The following KIRREL3 variants were observed in gnomAD, a reference collection of about 807,000 sequenced individuals.
KIRREL3 encodes kin of IRRE-like protein 3.
KIRREL3 carries 36 observed loss-of-function variants against 89.7 expected under a neutral mutation model. The ratio of observed to expected loss-of-function variants is 0.40; its 90% confidence interval spans 0.31 to 0.53. The LOEUF (loss-of-function observed/expected upper bound fraction) is 0.53. Ranked by LOEUF, KIRREL3 falls within the 20% of genes least tolerant of loss-of-function variation. KIRREL3 has a pLI of 0.49. For missense variants in KIRREL3, 864 were observed against 1,056.6 expected, an observed-to-expected ratio of 0.82 and a Z score of 2.53; for synonymous variants, 445 against 441.4, an observed-to-expected ratio of 1.01 and a Z score of -0.10.
At chr11:126,979,754 G>C (rs573954187) in intron 1 of KIRREL3, among the ~76,000 whole-genome samples, 1 of 152,332 alleles carries the variant, frequency 6.6e-6, no homozygotes, top group African/African-American at 2.4e-5. Context: ...GAGAGGACCT[G>C]GCCTTTGTAG....
chr11:126,578,110 A>T lies in KIRREL3; in HGVS notation c.56-15198T>A, dbSNP rs996645673. Among the ~76,000 whole-genome samples, 1 of 152,204 alleles carries T rather than the reference A, an allele frequency of 6.6e-6. No individual in the cohort carries two copies. Among genetic ancestry groups the T allele is most frequent in the Middle Eastern group, 3.2e-3 (1 of 316 alleles). ...TACAGCCTTGCAACTTTGCCTCATTAGTCCCAAATTTGCACTGTGAGGCAA... is the reference window on the plus strand; with the variant it reads ...TACAGCCTTGCAACTTTGCCTCATTTGTCCCAAATTTGCACTGTGAGGCAA... On this transcript the variant is annotated intron_variant, in intron 1 of 16. Coordinates refer to ENST00000525144, the MANE Select transcript of KIRREL3 (RefSeq NM_032531.4). The surrounding 1 kb of genome is among the most constrained non-coding windows in gnomAD (Gnocchi z 4.9).
At chr11:126,488,629 G>T (rs1957428130) in intron 4 of KIRREL3, among the ~76,000 whole-genome samples, 1 of 152,212 alleles carries the variant, frequency 6.6e-6, no homozygotes, top group Non-Finnish European at 1.5e-5. Flanking sequence ...AGGAGCCGCG[G>T]CTTCCAGTGA....
intron 1 of KIRREL3, among the ~76,000 whole-genome samples, chr11:126,717,443 A>G (rs1321081270): frequency 3.3e-5 from 5 of 152,218 alleles, no homozygotes; most frequent in Non-Finnish European, 7.3e-5. Context: ...GCTGTTGGCT[A>G]TGCCTTACCC....
chr11:126,749,110 T>C (rs2134239951), intron 1 of KIRREL3, among the ~76,000 whole-genome samples: 1 of 152,314 alleles, frequency 6.6e-6, no homozygotes, highest in South Asian at 2.1e-4. Flanking sequence ...ATGAACTTTT[T>C]GCTATTGTGC....
At chr11:126,741,632 A>G (rs767435951) in intron 1 of KIRREL3, among the ~76,000 whole-genome samples, 3 of 152,022 alleles carry the variant, frequency 2.0e-5, no homozygotes, top group Non-Finnish European at 4.4e-5. Context: ...ATAGGGGAAT[A>G]TAAGTTGAAA....
chr11:126,936,062 T>A (rs746106020), intron 1 of KIRREL3: 7 of 152,100 alleles, frequency 4.6e-5, no homozygotes, highest in Non-Finnish European at 8.8e-5. Context: ...TAAATCTACA[T>A]TTTCAAAAAT....
intron 1 of KIRREL3, among the ~76,000 whole-genome samples, chr11:126,825,780 G>C (rs538930637): frequency 2.0e-5 from 3 of 152,160 alleles, no homozygotes; most frequent in Non-Finnish European, 2.9e-5. Flanking sequence ...AGTGAGGTAG[G>C]TACTTCCACT....
At chr11:126,951,384 T>A (rs1193246923) in intron 1 of KIRREL3, among the ~76,000 whole-genome samples, 1 of 152,188 alleles carries the variant, frequency 6.6e-6, no homozygotes, top group Non-Finnish European at 1.5e-5. Flanking sequence ...GTAGAAACCA[T>A]GTCTTACATT....
chr11:126,988,576 G>A (rs1364380271), intron 1 of KIRREL3: 1 of 152,704 alleles, frequency 6.5e-6, no homozygotes, highest in Admixed American at 6.5e-5. Context: ...AGGCCTGGAG[G>A]TGGCTCCTGA....
rs551126800 is a variant in KIRREL3 at position 126,515,225 on chromosome 11, A to G, written c.433+6090T>C. On this transcript the variant is annotated intron_variant, in intron 4 of 16. Coordinates refer to ENST00000525144, the MANE Select transcript of KIRREL3 (RefSeq NM_032531.4). This position sits in a 1 kb window ranked among gnomAD's most constrained non-coding sequence, Gnocchi z 4.2. ...TCCCTTGAGCCCAGAAGTTCAAGAC[A>G]AGCATTAGCAACATGGCAAAACCCG... is the stretch of plus-strand genomic sequence containing the variant. Among the ~76,000 whole-genome samples, 1 of 152,282 alleles carries G rather than the reference A, an allele frequency of 6.6e-6. No individual in the cohort carries two copies. Among genetic ancestry groups the G allele is most frequent in the Admixed American group, 6.5e-5 (1 of 15,286 alleles).
At position 126,605,451 on chromosome 11, in the gene KIRREL3, G is replaced by A. The variant is rs73627283; in HGVS notation, c.56-42539C>T. ...TGCGGTGACTGCTGTGAAGTGGTGT[G>A]GGGGCTCAGGATGGGACCTACTTCA... On this transcript the variant is annotated intron_variant, in intron 1 of 16. Coordinates refer to ENST00000525144, the MANE Select transcript of KIRREL3 (RefSeq NM_032531.4). This position sits in a 1 kb window ranked among gnomAD's most constrained non-coding sequence, Gnocchi z 5.7. 8.6e-3 allele frequency among the ~76,000 whole-genome samples: 1,308 copies of A among 152,228 alleles called. 22 individuals are homozygous for A. The highest frequency in any genetic ancestry group is 0.029 in the African/African-American group (1,203 of 41,530).
chr11:126,901,213 C>CAAA (rs58769659), intron 1 of KIRREL3, among the ~76,000 whole-genome samples: 8 of 85,994 alleles, frequency 9.3e-5, no homozygotes, highest in African/African-American at 2.0e-4. Context: ...GATTCCGTCT[C>CAAA]AAAAAAAAAA....
chr11:126,436,006 C>T (rs1955315827), intron 12 of KIRREL3, among the ~76,000 whole-genome samples: 3 of 152,206 alleles, frequency 2.0e-5, no homozygotes, highest in Non-Finnish European at 2.9e-5. Context: ...TGTGGTGGGG[C>T]TTCTGGAGCC....
chr11:126,745,731 T>G lies in KIRREL3; in HGVS notation c.56-182819A>C, dbSNP rs115404147. Among the ~76,000 whole-genome samples the G allele has an allele frequency of 8.6e-3, 1,306 of 152,336 alleles. 21 individuals carry two copies. The highest frequency in any genetic ancestry group is 0.03 in the South Asian group (145 of 4,818). ...GTAGGTGAGAGCTTAGCCTGCAGTG[T>G]CTCTCTGGATTCTTTTGATCATTCA... On this transcript the variant is annotated intron_variant, in intron 1 of 16. Coordinates refer to ENST00000525144, the MANE Select transcript of KIRREL3 (RefSeq NM_032531.4).
Position 126,997,333 on chromosome 11 carries a change from A to T in KIRREL3, c.55+3122T>A, listed in dbSNP as rs1950204925. On this transcript the variant is annotated intron_variant, in intron 1 of 16. Transcript: ENST00000525144. The surrounding 1 kb of genome is among the most constrained non-coding windows in gnomAD (Gnocchi z 4.3). ...ATTATCCCTCTCTGAACAAAGCATGACCGTCCTGACAGCTGAGGGAAGAGG... is the reference window on the plus strand; with the variant it reads ...ATTATCCCTCTCTGAACAAAGCATGTCCGTCCTGACAGCTGAGGGAAGAGG... 6.6e-6 allele frequency among the ~76,000 whole-genome samples: 1 copy of T among 152,190 alleles called. No homozygotes were observed. Among genetic ancestry groups the T allele is most frequent in the South Asian group, 2.1e-4 (1 of 4,826 alleles).
In KIRREL3 at chr11:126,566,299, T is replaced by C. The variant is rs1195951504; in HGVS notation, c.56-3387A>G. Among the ~76,000 whole-genome samples the C allele has an allele frequency of 6.6e-6, 1 of 152,098 alleles. No individual in the cohort carries two copies. The highest frequency in any genetic ancestry group is 1.9e-4 in the East Asian group (1 of 5,190). On this transcript the variant is annotated intron_variant, in intron 1 of 16. Coordinates refer to ENST00000525144, the MANE Select transcript of KIRREL3 (RefSeq NM_032531.4). The surrounding 1 kb of genome is among the most constrained non-coding windows in gnomAD (Gnocchi z 4.9). ...CAAGGAAAAATGGATTGGAGTAGGGTATGTTTCTTAGGGAGAAGATAAGTT... is the reference window on the plus strand; with the variant it reads ...CAAGGAAAAATGGATTGGAGTAGGGCATGTTTCTTAGGGAGAAGATAAGTT...
In KIRREL3 at chr11:126,995,446, C is replaced by T. The variant is rs940546232; in HGVS notation, c.55+5009G>A. ...TTCTTGATGGACCCCAATAAAAAAA[C>T]GCCTGCACTGTTTTTCACCTAAGGT... On this transcript the variant is annotated intron_variant, in intron 1 of 16. Coordinates refer to ENST00000525144, the MANE Select transcript of KIRREL3 (RefSeq NM_032531.4). This position sits in a 1 kb window ranked among gnomAD's most constrained non-coding sequence, Gnocchi z 6.5. The T allele has an allele frequency of 3.2e-5, 13 of 400,252 alleles. No individual in the cohort carries two copies. Among genetic ancestry groups the T allele is most frequent in the South Asian group, 7.4e-5 (4 of 54,238 alleles). 24.8% of individuals were successfully genotyped at this position (400,252 alleles called of 1,614,324 possible).
chr11:126,822,262 TATTACTATTATATA>T lies in KIRREL3; in HGVS notation c.55+178179_55+178192del, dbSNP rs1220292763. Among the ~76,000 whole-genome samples the T allele has an allele frequency of 2.0e-5, 3 of 152,212 alleles. 1 individual carries two copies. The highest frequency in any genetic ancestry group is 4.8e-5 in the African/African-American group (2 of 41,450). On this transcript the variant is annotated intron_variant, in intron 1 of 16. Transcript: ENST00000525144. ...GGGCCCTGGAAGTGTTGGCTAACGG[TATTACTATTATATA>T]ATTACTATTATATAAAGCACATAGA...
intron 1 of KIRREL3, among the ~76,000 whole-genome samples, chr11:126,863,470 T>TGA (rs1944792242): frequency 9.6e-6 from 1 of 104,632 alleles, no homozygotes; most frequent in Non-Finnish European, 1.9e-5. Flanking sequence ...TGCGTGTGTG[T>TGA]GTGAGTGCGT....
Sources: gnomAD v4.1 joint callset for allele counts (sites outside exome capture counted in the v4.1 genomes callset) on GRCh38, gnomAD v4.1.1 for gene constraint, Gnocchi (gnomAD v3.1) non-coding constraint, MANE v1.5 for transcripts, NCBI Gene and HGNC (gene_info 2026-07-23, HGNC 2026-07-21) for gene names.